The following DNAJC2 variants were observed in gnomAD, a reference collection of about 807,000 sequenced individuals.
The protein encoded by DNAJC2 is dnaJ homolog subfamily C member 2.
Under a neutral mutation model 94.0 loss-of-function variants are expected in DNAJC2, and 32 were observed. That is an observed-to-expected ratio of 0.34 (90% CI 0.26 to 0.46). DNAJC2 has a LOEUF of 0.46. DNAJC2 is among the 20% of genes least tolerant of loss of function. The pLI is 1.00. For synonymous variants in DNAJC2, 210 were observed against 229.7 expected, an observed-to-expected ratio of 0.91 and a Z score of 0.77; for missense variants, 550 against 719.5, an observed-to-expected ratio of 0.76 and a Z score of 2.69.
intron 2 of DNAJC2, among the ~76,000 whole-genome samples, chr7:103,340,882 A>G (rs1161201922): frequency 6.6e-6 from 1 of 152,028 alleles, no homozygotes; most frequent in African/African-American, 2.4e-5. Context: ...TGGTACCAAA[A>G]CCTCAGTCTT....
chr7:103,322,370 A>G (rs897360669), intron 9 of DNAJC2, 141 bp downstream of exon 9: 1 of 926,978 alleles, frequency 1.1e-6, no homozygotes, highest in Non-Finnish European at 1.6e-6. Context: ...AATTATACCA[A>G]CTGGTCATGA....
chr7:103,312,816 T>A, intron 16 of DNAJC2, 131 bp downstream of exon 16: 1 of 1,518,824 alleles, frequency 6.6e-7, no homozygotes. Context: ...TTCCTCATAA[T>A]ATTGACCCCA....
At chr7:103,314,693 C>G in intron 15 of DNAJC2, 8 of 972,590 alleles carry the variant, frequency 8.2e-6, no homozygotes, top group Non-Finnish European at 9.8e-6. Flanking sequence ...CTCAGCCAAA[C>G]AAGTCACTGC....
chr7:103,333,232 C>T (rs942087911), intron 3 of DNAJC2, among the ~76,000 whole-genome samples: 2 of 152,162 alleles, frequency 1.3e-5, no homozygotes, highest in African/African-American at 4.8e-5. Flanking sequence ...CCTACATCTT[C>T]CTTTGTGCTA....
At position 103,316,108 on chromosome 7, in the gene DNAJC2, A is replaced by T; in HGVS notation, c.1428-20T>A. On this transcript the variant is annotated intron_variant, in intron 13 of 16. Coordinates refer to ENST00000379263, the MANE Select transcript of DNAJC2 (RefSeq NM_014377.3). ...TCCCATCTGATAGGATATATTATAC[A>T]ATAATATGAATAGTAGTAAGGAAAA... 7.1e-7 allele frequency: 1 copy of T among 1,401,444 alleles called. No individual in the cohort carries two copies. Among genetic ancestry groups the T allele is most frequent in the Non-Finnish European group, 9.8e-7 (1 of 1,020,474 alleles). The allele number at this position is 1,401,444 out of a possible 1,614,324, so 86.8% of individuals were successfully genotyped here.
intron 15 of DNAJC2, chr7:103,314,053 C>G (rs1478397417): frequency 1.0e-6 from 1 of 985,172 alleles, no homozygotes; most frequent in Non-Finnish European, 1.2e-6. Flanking sequence ...ACAAAACCAC[C>G]ACCTATTCAA....
intron 6 of DNAJC2, among the ~76,000 whole-genome samples, chr7:103,323,974 A>G (rs576251060): frequency 3.9e-5 from 6 of 152,318 alleles, no homozygotes; most frequent in Admixed American, 3.9e-4. Context: ...AGGTAACCCT[A>G]GTAGTGGTTA....
At chr7:103,312,784 A>G (rs1444417758) in intron 16 of DNAJC2, 141 bp from the exon 17 acceptor site, 1 of 1,511,170 alleles carries the variant, frequency 6.6e-7, no homozygotes, top group African/African-American at 1.4e-5. Flanking sequence ...GGGCCTAGAA[A>G]GTTTCTAAGG....
intron 3 of DNAJC2, among the ~76,000 whole-genome samples, chr7:103,328,062 A>C (rs1007401013): frequency 6.6e-6 from 1 of 151,998 alleles, no homozygotes; most frequent in African/African-American, 2.4e-5. Flanking sequence ...CTGGGGTTAC[A>C]GGTGCCCGCC....
intron 1 of DNAJC2, among the ~76,000 whole-genome samples, chr7:103,343,930 G>A (rs1308811524): frequency 6.6e-6 from 1 of 152,208 alleles, no homozygotes; most frequent in East Asian, 1.9e-4. Flanking sequence ...GGGAATTACT[G>A]TAGATCACTG....
chr7:103,325,026 G>A (rs1476117343), intron 5 of DNAJC2, among the ~76,000 whole-genome samples: 2 of 152,124 alleles, frequency 1.3e-5, no homozygotes, highest in African/African-American at 4.8e-5. Flanking sequence ...AGATTTCTCG[G>A]CTCAGCACTT....
At chr7:103,315,168 CA>C (rs769048270) in intron 15 of DNAJC2, among the ~76,000 whole-genome samples, 6 of 87,266 alleles carry the variant, frequency 6.9e-5, no homozygotes, top group Admixed American at 1.2e-4. Context: ...CAAACCCTAA[CA>C]TTTTTTTTTT....
intron 1 of DNAJC2, chr7:103,344,334 G>A (rs2116084851): frequency 3.4e-6 from 2 of 585,316 alleles, no homozygotes; most frequent in Non-Finnish European, 6.1e-6. Context: ...GCGAGAGGAG[G>A]AAGCAACGGT....
At chr7:103,321,271 C>T (rs1000784337) in intron 10 of DNAJC2, among the ~76,000 whole-genome samples, 2 of 152,044 alleles carry the variant, frequency 1.3e-5, no homozygotes, top group Non-Finnish European at 2.9e-5. Flanking sequence ...GTAATCCCAA[C>T]ACTTTGGAAG....
In DNAJC2 at chr7:103,341,948, G is replaced by A. The variant is rs781423813; in HGVS notation, c.71C>T (p.Thr24Ile). ...TCCCACAGGTTCAACTTGACAGAGT[G>A]TAGAGGCTGTGATTGAAAGTGTTAA... The part of the protein sequence containing the change: ...AITHALTSAS[T>I]LCQVEPVGRW... Residue 24 changes from threonine to isoleucine, a missense_variant, in exon 2 of 17, where the codon ACA becomes ATA. Thr to Ile is a moderately conservative substitution (Grantham distance 89). Transcript: ENST00000379263. 2.5e-6 allele frequency: 4 copies of A among 1,579,648 alleles called. No individual in the cohort carries two copies. Among genetic ancestry groups the A allele is most frequent in the South Asian group, 1.2e-5 (1 of 85,374 alleles).
chr7:103,312,827 T>C (rs1817827819), intron 16 of DNAJC2, 120 bp downstream of exon 16: 1 of 1,522,416 alleles, frequency 6.6e-7, no homozygotes, highest in African/African-American at 1.4e-5. Context: ...ATTGACCCCA[T>C]AACTACTGGT....
At chr7:103,338,609 C>CT (rs925405768) in intron 2 of DNAJC2, among the ~76,000 whole-genome samples, 11 of 151,860 alleles carry the variant, frequency 7.2e-5, no homozygotes, top group Non-Finnish European at 1.0e-4. Flanking sequence ...AAGACCCTGT[C>CT]TTTAAAAAAA....
In DNAJC2 at chr7:103,337,755, C is replaced by G. The variant is rs1347720855; in HGVS notation, c.312G>C (p.Gln104His). 6.2e-7 allele frequency: 1 copy of G among 1,613,612 alleles called. No homozygotes were observed. The highest frequency in any genetic ancestry group is 8.5e-7 in the Non-Finnish European group (1 of 1,179,834). Residue 104 changes from glutamine to histidine, a missense_variant, in exon 3 of 17, where the codon CAG (glutamine) becomes CAC (histidine). This residue lies in a region of DNAJC2 where 279 missense variants were observed against 416.9 expected (regional missense o/e 0.67). Transcript: ENST00000379263. Reference protein sequence around the residue: ...GLGHVRYKATQRQIKAAHKAM... With the variant: ...GLGHVRYKATHRQIKAAHKAM... ...ACTTACGAGCTGCTTTGATCTGTCTCTGTGTAGCCTTGTATCTCACATGGC... is the reference window on the plus strand; with the variant it reads ...ACTTACGAGCTGCTTTGATCTGTCTGTGTGTAGCCTTGTATCTCACATGGC...
chr7:103,319,590 T>G lies in DNAJC2; in HGVS notation c.1242+19A>C, dbSNP rs1818269222. On this transcript the variant is annotated intron_variant, in intron 12 of 16. Transcript: ENST00000379263. ...ATTAAATGCTACATATAGGTAGGAG[T>G]GATGTGTTCCTCTATTACCTGTTTT... 1.2e-6 allele frequency: 2 copies of G among 1,611,636 alleles called. No homozygotes were observed. Among genetic ancestry groups the G allele is most frequent in the African/African-American group, 2.7e-5 (2 of 74,808 alleles).
Sources: gnomAD v4.1 joint callset for allele counts (sites outside exome capture counted in the v4.1 genomes callset) on GRCh38, gnomAD v4.1.1 for gene constraint, gnomAD v4.1.1 regional missense constraint, MANE v1.5 for transcripts, NCBI Gene and HGNC (gene_info 2026-07-23, HGNC 2026-07-21) for gene names.